Variants in PALMD observed in about 807,000 individuals in gnomAD.
PALMD encodes the protein palmdelphin, also known as paralemmin-like protein.
A neutral mutation model predicts 56.2 loss-of-function variants in PALMD; 42 were observed. The observed-to-expected ratio is 0.75, with a 90% CI of 0.58 to 0.97. PALMD has a LOEUF of 0.97. PALMD is among the 50% of genes least tolerant of loss of function. The pLI is 0.00. For missense variants in PALMD, 660 were observed against 643.8 expected (o/e 1.03, Z -0.27); for synonymous variants, 242 against 222.9 (o/e 1.09, Z -0.76).
At chr1:99,653,734 A>AC (rs1311056457) in intron 1 of PALMD, among the ~76,000 whole-genome samples, 1 of 151,902 alleles carries the variant, frequency 6.6e-6, no homozygotes, top group Non-Finnish European at 1.5e-5. Flanking sequence ...ATGGATCGAC[A>AC]CCCCCCAAAA....
chr1:99,665,335 C>A (rs1025968283), intron 2 of PALMD, among the ~76,000 whole-genome samples: 4 of 152,016 alleles, frequency 2.6e-5, no homozygotes, highest in Non-Finnish European at 4.4e-5. Context: ...TACTCATTAG[C>A]CTCATCCACT....
intron 1 of PALMD, among the ~76,000 whole-genome samples, chr1:99,661,879 A>T (rs1652853863): frequency 6.6e-6 from 1 of 152,190 alleles, no homozygotes; most frequent in Non-Finnish European, 1.5e-5. Flanking sequence ...TTTTCTAACG[A>T]TCCATAGGTT....
chr1:99,691,842 T>A (rs550626584), intron 7 of PALMD, among the ~76,000 whole-genome samples: 75 of 152,294 alleles, frequency 4.9e-4, no homozygotes, highest in African/African-American at 1.8e-3. Context: ...AGTTAAGAAT[T>A]GTTAGTCTCT....
rs958169405 is a variant in PALMD, at chr1:99,646,152, G to A, written c.-166G>A. ...TCTGGCCTGATCTGTGCATCTGCTC[G>A]GAGACGCTCCTGACAAGTCGGGAAT... is the stretch of plus-strand genomic sequence containing the variant. On this transcript the variant is annotated 5_prime_UTR_variant, in exon 1 of 8. Coordinates refer to ENST00000263174, the MANE Select transcript of PALMD (RefSeq NM_017734.5). 6.3e-6 allele frequency: 4 copies of A among 629,972 alleles called. No individual in the cohort carries two copies. The highest frequency in any genetic ancestry group is 3.7e-5 in the African/African-American group (2 of 54,484). 39.0% of individuals were successfully genotyped at this position (629,972 alleles called of 1,614,324 possible).
intron 7 of PALMD, chr1:99,690,106 C>A (rs1162541960): frequency 2.1e-6 from 1 of 474,884 alleles, no homozygotes; most frequent in Non-Finnish European, 3.6e-6. Flanking sequence ...TATTGAGGAA[C>A]TTTAATAACT....
intron 2 of PALMD, among the ~76,000 whole-genome samples, chr1:99,663,580 C>T (rs1652900571): frequency 6.6e-6 from 1 of 151,956 alleles, no homozygotes; most frequent in Non-Finnish European, 1.5e-5. Flanking sequence ...CACACACACA[C>T]TTGCACAATT....
At chr1:99,674,832 G>A (rs540508414) in intron 3 of PALMD, among the ~76,000 whole-genome samples, 7 of 152,294 alleles carry the variant, frequency 4.6e-5, no homozygotes, top group South Asian at 2.1e-4. Flanking sequence ...TCAGTGACCC[G>A]TTCTCCAAGC....
intron 1 of PALMD, among the ~76,000 whole-genome samples, chr1:99,656,041 T>G (rs1008733672): frequency 1.3e-5 from 2 of 152,180 alleles, no homozygotes; most frequent in African/African-American, 4.8e-5. Flanking sequence ...TTATTTACAC[T>G]ATTACAAGGT....
intron 3 of PALMD, among the ~76,000 whole-genome samples, chr1:99,680,020 T>C (rs561795637): frequency 6.6e-6 from 1 of 152,346 alleles, no homozygotes; most frequent in South Asian, 2.1e-4. Context: ...TTTTGAATTT[T>C]GGTTTGTGTG....
intron 7 of PALMD, among the ~76,000 whole-genome samples, chr1:99,693,279 T>C (rs1261648207): frequency 1.3e-5 from 2 of 152,070 alleles, no homozygotes; most frequent in African/African-American, 4.8e-5. Context: ...TATCAACTTT[T>C]GGAACATGAC....
chr1:99,655,384 T>A (rs1652698683), intron 1 of PALMD, among the ~76,000 whole-genome samples: 1 of 152,136 alleles, frequency 6.6e-6, no homozygotes, highest in Non-Finnish European at 1.5e-5. Flanking sequence ...AATTAAGCAA[T>A]AAAAAATAGT....
chr1:99,679,282 A>G (rs1177964787), intron 3 of PALMD, among the ~76,000 whole-genome samples: 3 of 152,344 alleles, frequency 2.0e-5, no homozygotes, highest in African/African-American at 7.2e-5. Flanking sequence ...ATCAAATTGC[A>G]TTAGCCAGCT....
intron 1 of PALMD, among the ~76,000 whole-genome samples, chr1:99,650,348 T>C (rs1652540302): frequency 6.9e-6 from 1 of 143,980 alleles, no homozygotes; most frequent in Non-Finnish European, 1.5e-5. Context: ...ATCAACTCCC[T>C]ACTGCTTTCC....
intron 3 of PALMD, among the ~76,000 whole-genome samples, chr1:99,677,829 AG>A (rs1653247602): frequency 6.6e-6 from 1 of 152,212 alleles, no homozygotes; most frequent in South Asian, 2.1e-4. Context: ...TTGTCAAAAA[AG>A]ACTAGGATGT....
At chr1:99,667,563 C>A (rs1652993906) in intron 2 of PALMD, 79 bp from the exon 3 acceptor site, 1 of 1,169,678 alleles carries the variant, frequency 8.5e-7, no homozygotes, top group Non-Finnish European at 1.3e-6. Context: ...TATTGAAATT[C>A]ATAAGATTTG....
intron 3 of PALMD, chr1:99,685,730 A>G (rs1004941885): frequency 6.6e-6 from 1 of 152,218 alleles, no homozygotes; most frequent in East Asian, 1.9e-4. Context: ...CTCCTGGACC[A>G]GCTGCTGAAT....
chr1:99,660,058 T>C (rs1652812509), intron 1 of PALMD, among the ~76,000 whole-genome samples: 1 of 152,184 alleles, frequency 6.6e-6, no homozygotes, highest in Non-Finnish European at 1.5e-5. Flanking sequence ...AGCAATCCTG[T>C]CCACCCCACA....
At chr1:99,681,457 T>G (rs1365096470) in intron 3 of PALMD, among the ~76,000 whole-genome samples, 4 of 152,164 alleles carry the variant, frequency 2.6e-5, no homozygotes, top group African/African-American at 7.2e-5. Flanking sequence ...GGGCCGAATA[T>G]TCTCTTAACT....
At chr1:99,678,182 C>A (rs1172066449) in intron 3 of PALMD, among the ~76,000 whole-genome samples, 1 of 151,424 alleles carries the variant, frequency 6.6e-6, no homozygotes, top group Non-Finnish European at 1.5e-5. Context: ...GAACTCACTG[C>A]GACCTCTGCC....
Sources: gnomAD v4.1 joint callset for allele counts (sites outside exome capture counted in the v4.1 genomes callset) on GRCh38, gnomAD v4.1.1 for gene constraint, MANE v1.5 for transcripts, NCBI Gene and HGNC (gene_info 2026-07-23, HGNC 2026-07-21) for gene names.